MYCBP2: variants seen among roughly 807,000 people sequenced by gnomAD.
MYCBP2 encodes E3 ubiquitin-protein ligase MYCBP2.
In MYCBP2, 120 loss-of-function variants were observed where a neutral mutation model predicts 525.3. The observed-to-expected ratio is 0.23, with a 90% CI of 0.20 to 0.27. The LOEUF (loss-of-function observed/expected upper bound fraction) is 0.27, where lower values mean the gene tolerates loss of function less well. Among genes scored for constraint, MYCBP2 ranks in the 10% least tolerant of loss-of-function variants. The pLI is 1.00. For missense variants in MYCBP2, 4,149 were observed against 5,657.1 expected, an observed-to-expected ratio of 0.73 and a Z score of 8.55; for synonymous variants, 1,894 against 1,955.8, an observed-to-expected ratio of 0.97 and a Z score of 0.83.
At position 77,180,139 on chromosome 13, in the gene MYCBP2, G is replaced by A; in HGVS notation, c.5121C>T (p.Ala1707=). The part of the protein sequence containing the change: ...ASIVSELTAS[A]LGSEVDGLNS... ...TATAATGTATTACCTCAGATCCCAG[G>A]GCTGACGCTGTCAGTTCACTGACAA... The change falls in exon 34 of 83, where the codon GCC becomes GCT. Residue 1707 remains alanine (A), a synonymous_variant. Coordinates refer to ENST00000544440, the MANE Select transcript of MYCBP2 (RefSeq NM_015057.5). The A allele has an allele frequency of 1.2e-6, 2 of 1,613,476 alleles. No individual in the cohort carries two copies. The highest frequency in any genetic ancestry group is 1.7e-6 in the Non-Finnish European group (2 of 1,179,652).
At chr13:77,311,157 T>C (rs1386663900) in intron 1 of MYCBP2, among the ~76,000 whole-genome samples, 1 of 152,082 alleles carries the variant, frequency 6.6e-6, no homozygotes, top group Non-Finnish European at 1.5e-5. Flanking sequence ...AAGTTAAAAT[T>C]CCAAGTTAAA....
intron 14 of MYCBP2, among the ~76,000 whole-genome samples, chr13:77,251,928 A>C (rs559252175): frequency 4.5e-4 from 69 of 152,042 alleles, no homozygotes; most frequent in Non-Finnish European, 7.4e-4. Context: ...GCCTTTGTTC[A>C]TTCTTGCTCC....
chr13:77,254,586 T>C (rs2154332286), intron 14 of MYCBP2, among the ~76,000 whole-genome samples: 1 of 152,032 alleles, frequency 6.6e-6, no homozygotes, highest in Non-Finnish European at 1.5e-5. Context: ...TCTGGGTAAC[T>C]GGGATCAAGT....
intron 82 of MYCBP2, among the ~76,000 whole-genome samples, chr13:77,048,411 C>T (rs1258040010): frequency 1.3e-5 from 2 of 152,178 alleles, no homozygotes; most frequent in Non-Finnish European, 2.9e-5. Flanking sequence ...GACTGATTAT[C>T]TAAAAATATT....
At chr13:77,215,543 G>T (rs2064702572) in intron 21 of MYCBP2, among the ~76,000 whole-genome samples, 1 of 152,188 alleles carries the variant, frequency 6.6e-6, no homozygotes, top group Non-Finnish European at 1.5e-5. Flanking sequence ...AGGTAAGAAA[G>T]AACCTTGTGG....
At chr13:77,141,708 T>C (rs2054657152) in intron 49 of MYCBP2, among the ~76,000 whole-genome samples, 1 of 150,752 alleles carries the variant, frequency 6.6e-6, no homozygotes, top group South Asian at 2.1e-4. Context: ...GAGGTGGAGG[T>C]TGCAGTGGGC....
At chr13:77,168,964 C>T (rs1756297057) in intron 39 of MYCBP2, among the ~76,000 whole-genome samples, 1 of 152,170 alleles carries the variant, frequency 6.6e-6, no homozygotes, top group Non-Finnish European at 1.5e-5. Context: ...TTTTAAAACA[C>T]TCTTATCCTT....
intron 29 of MYCBP2, 145 bp downstream of exon 29, chr13:77,190,106 TA>T: frequency 2.2e-6 from 1 of 453,344 alleles, no homozygotes; most frequent in Non-Finnish European, 3.9e-6. Flanking sequence ...CTGTTTTTGT[TA>T]AATATATTTA....
chr13:77,259,822 G>C (rs1204922977), intron 13 of MYCBP2, among the ~76,000 whole-genome samples: 1 of 152,076 alleles, frequency 6.6e-6, no homozygotes, highest in Admixed American at 6.6e-5. Context: ...TTCATTTCTA[G>C]CTGCTAGAAA....
At position 77,180,167 on chromosome 13, in the gene MYCBP2, C is replaced by A; in HGVS notation, c.5093G>T (p.Ser1698Ile). The A allele has an allele frequency of 1.2e-6, 2 of 1,614,022 alleles. No individual in the cohort carries two copies. Among genetic ancestry groups the A allele is most frequent in the Non-Finnish European group, 1.7e-6 (2 of 1,179,934 alleles). Reference sequence around the variant, plus strand: ...TGACGCTGTCAGTTCACTGACAATGCTGGCCAGTAATCCACAGGTGTTAGA... The same window carrying A: ...TGACGCTGTCAGTTCACTGACAATGATGGCCAGTAATCCACAGGTGTTAGA... ...LVSNTCGLLA[S>I]IVSELTASAL... is the part of the protein sequence containing the mutation. The change falls in exon 34 of 83, where the codon AGC becomes ATC. Residue 1698 changes from serine to isoleucine, a missense_variant. Physicochemically the swap from Ser to Ile is moderately radical, Grantham distance 142. Transcript: ENST00000544440.
chr13:77,050,013 T>G (rs1346956024), intron 82 of MYCBP2, among the ~76,000 whole-genome samples: 1 of 152,138 alleles, frequency 6.6e-6, no homozygotes, highest in Non-Finnish European at 1.5e-5. Flanking sequence ...CCTCACTCTT[T>G]TTTTTTTTTA....
At chr13:77,078,311 A>C (rs1374907230) in intron 66 of MYCBP2, among the ~76,000 whole-genome samples, 1 of 152,200 alleles carries the variant, frequency 6.6e-6, no homozygotes, top group East Asian at 1.9e-4. Flanking sequence ...AGATTTGACA[A>C]AGTTTCATGA....
intron 3 of MYCBP2, among the ~76,000 whole-genome samples, chr13:77,280,028 A>G (rs957790539): frequency 2.6e-5 from 4 of 152,234 alleles, no homozygotes; most frequent in Non-Finnish European, 5.9e-5. Context: ...ATTACCTAGC[A>G]TATGGTAGGC....
chr13:77,224,307 T>C (rs2065969451), intron 20 of MYCBP2, 144 bp downstream of exon 20: 3 of 612,176 alleles, frequency 4.9e-6, no homozygotes, highest in Non-Finnish European at 8.6e-6. Flanking sequence ...CAATAATTCA[T>C]GGGCCACACT....
intron 68 of MYCBP2, among the ~76,000 whole-genome samples, chr13:77,074,308 C>T (rs1002784884): frequency 1.3e-5 from 2 of 151,800 alleles, no homozygotes; most frequent in East Asian, 1.9e-4. Flanking sequence ...TTACACTGCA[C>T]ATAAAAATTA....
At chr13:77,134,588 A>G (rs1371556996) in intron 52 of MYCBP2, among the ~76,000 whole-genome samples, 1 of 152,012 alleles carries the variant, frequency 6.6e-6, no homozygotes, top group Admixed American at 6.6e-5. Flanking sequence ...ATAACAAAAA[A>G]AAAAAGGAAA....
At chr13:77,046,828 G>GA (rs1251196224) in intron 82 of MYCBP2, among the ~76,000 whole-genome samples, 1 of 152,168 alleles carries the variant, frequency 6.6e-6, no homozygotes, top group African/African-American at 2.4e-5. Flanking sequence ...AGGTTTGCTA[G>GA]AAAGTTAATT....
At chr13:77,236,062 G>C (rs2067875853) in intron 17 of MYCBP2, among the ~76,000 whole-genome samples, 2 of 152,182 alleles carry the variant, frequency 1.3e-5, no homozygotes, top group Admixed American at 6.5e-5. Flanking sequence ...GAATATTCTG[G>C]AAAGAAGGTG....
chr13:77,169,435 C>A (rs917320468), intron 39 of MYCBP2, among the ~76,000 whole-genome samples, 179 bp downstream of exon 39: 5 of 148,444 alleles, frequency 3.4e-5, no homozygotes, highest in African/African-American at 1.2e-4. Flanking sequence ...ATAAGCACAG[C>A]AATCCAGTAA....
Sources: gnomAD v4.1 joint callset for allele counts (sites outside exome capture counted in the v4.1 genomes callset) on GRCh38, gnomAD v4.1.1 for gene constraint, MANE v1.5 for transcripts, NCBI Gene and HGNC (gene_info 2026-07-23, HGNC 2026-07-21) for gene names.